COL28A1: variants seen among roughly 807,000 people sequenced by gnomAD.
COL28A1 encodes the protein collagen alpha-1(XXVIII) chain.
Under a neutral mutation model 150.2 loss-of-function variants are expected in COL28A1, and 161 were observed. The observed-to-expected ratio is 1.07, with a 90% confidence interval of 0.94 to 1.22. The LOEUF (loss-of-function observed/expected upper bound fraction) is 1.22. Among genes scored for constraint, COL28A1 ranks in the 50% most tolerant of loss-of-function variants. COL28A1 has a pLI of 0.00. For missense variants in COL28A1, 1,617 were observed against 1,388.3 expected, an observed-to-expected ratio of 1.16 and a Z score of -2.62; for synonymous variants, 552 against 469.7, an observed-to-expected ratio of 1.18 and a Z score of -2.26.
intron 15 of COL28A1, among the ~76,000 whole-genome samples, chr7:7,465,120 G>T (rs540883242): frequency 6.6e-6 from 1 of 150,932 alleles, no homozygotes; most frequent in African/African-American, 2.4e-5. Flanking sequence ...GGCCGAATAG[G>T]AACAGCTCCG....
intron 33 of COL28A1, among the ~76,000 whole-genome samples, chr7:7,367,868 G>A (rs1055585000): frequency 3.3e-5 from 5 of 149,786 alleles, no homozygotes; most frequent in African/African-American, 1.2e-4. Flanking sequence ...AGTATATAGT[G>A]TTTCAATCCA....
intron 27 of COL28A1, among the ~76,000 whole-genome samples, chr7:7,390,511 T>C (rs1364428696): frequency 6.6e-6 from 1 of 152,166 alleles, no homozygotes; most frequent in Non-Finnish European, 1.5e-5. Context: ...CCTCATAAAA[T>C]GAGTTAGGGA....
intron 15 of COL28A1, among the ~76,000 whole-genome samples, chr7:7,456,869 A>C (rs565935037): frequency 2.0e-5 from 3 of 152,346 alleles, no homozygotes; most frequent in African/African-American, 7.2e-5. Context: ...GTGAAGGAGA[A>C]AAATTAATCA....
intron 30 of COL28A1, among the ~76,000 whole-genome samples, chr7:7,376,543 A>T (rs992097689): frequency 8.5e-5 from 13 of 152,312 alleles, no homozygotes; most frequent in African/African-American, 3.1e-4. Flanking sequence ...GAGAGTCAAC[A>T]GTCTTCTTTT....
At chr7:7,452,778 T>C (rs1254589375) in intron 17 of COL28A1, among the ~76,000 whole-genome samples, 2 of 152,152 alleles carry the variant, frequency 1.3e-5, no homozygotes, top group African/African-American at 4.8e-5. Context: ...ACTCAAGCTT[T>C]CAAGGCAGGC....
chr7:7,373,672 G>C lies in COL28A1; in HGVS notation c.2360-126C>G. The C allele has an allele frequency of 1.4e-6, 1 of 730,852 alleles. No homozygotes were observed. Among genetic ancestry groups the C allele is most frequent in the South Asian group, 1.9e-5 (1 of 53,014 alleles). 45.3% of individuals were successfully genotyped at this position (730,852 alleles called of 1,614,324 possible). A position where few individuals can be genotyped will look rare whatever the true frequency, so the allele number is the denominator to read the frequency against. ...TATTCTCTTCCTTTTCTGTGATTGT[G>C]AAAATACCTGACAGCTGTCTCCATT... On this transcript the variant is annotated intron_variant, in intron 31 of 34. Coordinates refer to ENST00000399429, the MANE Select transcript of COL28A1 (RefSeq NM_001037763.3). The surrounding 1 kb of genome is among the most constrained non-coding windows in gnomAD (Gnocchi z 4.1).
Position 7,453,485 on chromosome 7 carries a change from TG to T in COL28A1, c.1394del (p.Pro465HisfsTer19). The T allele has an allele frequency of 8.1e-7, 1 of 1,241,544 alleles. No individual in the cohort carries two copies. The highest frequency in any genetic ancestry group is 1.2e-6 in the Non-Finnish European group (1 of 844,556). 76.9% of individuals were successfully genotyped at this position (1,241,544 alleles called of 1,614,324 possible). ...GTCCTGCGGGCCCTTGTGGACCAGG[TG>T]GACCAATAGGACCTTGGATTCCCTT... The part of the protein sequence containing the change: ...GEQGIQGPIG[P>X]PGPQGPAGQG... On this transcript the variant is annotated frameshift_variant, in exon 17 of 35. Coordinates refer to ENST00000399429, the MANE Select transcript of COL28A1 (RefSeq NM_001037763.3). LOFTEE classifies it high-confidence loss of function.
chr7:7,367,812 C>CT (rs1308940222), intron 33 of COL28A1, among the ~76,000 whole-genome samples: 1 of 74,246 alleles, frequency 1.3e-5, no homozygotes, highest in Non-Finnish European at 3.6e-5. Flanking sequence ...CACTATTTTC[C>CT]TTTAAAAAAA....
chr7:7,453,472 C>G lies in COL28A1; in HGVS notation c.1408G>C (p.Gly470Arg). Reference protein sequence around the residue: ...QGPIGPPGPQGPAGQGLPGSK... With the variant: ...QGPIGPPGPQRPAGQGLPGSK... ...CCAGGTAAGCCCTGTCCTGCGGGCC[C>G]TTGTGGACCAGGTGGACCAATAGGA... Residue 470 changes from glycine (G) to arginine (R), a missense_variant, in exon 17 of 35, where the codon GGG becomes CGG. Physicochemically the swap from Gly to Arg is moderately radical, Grantham distance 125 (BLOSUM62 -2). Transcript: ENST00000399429. The G allele has an allele frequency of 3.1e-6, 4 of 1,307,974 alleles. No individual in the cohort carries two copies. In the South Asian group the frequency reaches 3.6e-5, roughly 12 times the overall value. 81.0% of individuals were successfully genotyped at this position (1,307,974 alleles called of 1,614,324 possible). A position where few individuals can be genotyped will look rare whatever the true frequency, so the allele number is the denominator to read the frequency against.
the COL28A1 span, among the ~76,000 whole-genome samples, chr7:7,347,695 T>C: frequency 6.6e-6 from 1 of 152,088 alleles, no homozygotes; most frequent in South Asian, 2.1e-4. Context: ...AAATCTTATA[T>C]AGTCTGTAGG....
chr7:7,381,407 T>G lies in COL28A1; in HGVS notation c.2205+137A>C, dbSNP rs530723393. The G allele has an allele frequency of 4.5e-6, 3 of 669,078 alleles. No individual in the cohort carries two copies. In the South Asian group the frequency reaches 5.9e-5, roughly 13 times the overall value. The allele number at this position is 669,078 out of a possible 1,614,324, so 41.4% of individuals were successfully genotyped here. A position where few individuals can be genotyped will look rare whatever the true frequency, so the allele number is the denominator to read the frequency against. On this transcript the variant is annotated intron_variant, in intron 28 of 34. Transcript: ENST00000399429. ...GGTAGACAAAGCAATGCACGAGGAT[T>G]TTATTTTGAGTGGATTGTTTTTCTT...
chr7:7,503,315 G>C (rs1475865332), intron 11 of COL28A1, among the ~76,000 whole-genome samples: 2 of 152,188 alleles, frequency 1.3e-5, no homozygotes, highest in African/African-American at 4.8e-5. Flanking sequence ...AATAGATCAT[G>C]TCTCAAAAGG....
chr7:7,390,725 T>C (rs1255645187), intron 27 of COL28A1, among the ~76,000 whole-genome samples: 1 of 152,222 alleles, frequency 6.6e-6, no homozygotes, highest in Non-Finnish European at 1.5e-5. Flanking sequence ...CTTGGAAGTG[T>C]GTATGTGTCC....
At chr7:7,367,099 T>C (rs904307585) in intron 33 of COL28A1, among the ~76,000 whole-genome samples, 2 of 152,222 alleles carry the variant, frequency 1.3e-5, no homozygotes, top group Non-Finnish European at 2.9e-5. Flanking sequence ...TGGTTAGATA[T>C]GCTTATATAT....
At chr7:7,365,804 CAG>C (rs1035978709) in intron 33 of COL28A1, among the ~76,000 whole-genome samples, 1 of 152,198 alleles carries the variant, frequency 6.6e-6, no homozygotes, top group African/African-American at 2.4e-5. Context: ...CTGGGCTCCA[CAG>C]CCAGCATCTT....
At chr7:7,410,096 G>C (rs1294602) in intron 27 of COL28A1, among the ~76,000 whole-genome samples, 1 of 152,126 alleles carries the variant, frequency 6.6e-6, no homozygotes, top group East Asian at 1.9e-4. Context: ...GGTCCAGGAG[G>C]AAAATGAAAG....
intron 14 of COL28A1, 110 bp from the exon 15 acceptor site, chr7:7,474,779 C>T: frequency 1.5e-6 from 1 of 672,362 alleles, no homozygotes. Flanking sequence ...TTAAATAAAG[C>T]ATCCAAAGTC....
At chr7:7,476,730 C>T (rs1788919013) in intron 14 of COL28A1, among the ~76,000 whole-genome samples, 1 of 152,164 alleles carries the variant, frequency 6.6e-6, no homozygotes, top group East Asian at 1.9e-4. Context: ...AGTACTATTA[C>T]AGATTGGTTT....
rs73674514 is a variant in COL28A1 at position 7,379,898 on chromosome 7, T to G, written c.2322+762A>C. Among the ~76,000 whole-genome samples the G allele has an allele frequency of 3.9e-3, 595 of 152,306 alleles. 7 individuals carry two copies. Among genetic ancestry groups the G allele is most frequent in the African/African-American group, 0.014 (569 of 41,564 alleles). On this transcript the variant is annotated intron_variant, in intron 30 of 34. Coordinates refer to ENST00000399429, the MANE Select transcript of COL28A1 (RefSeq NM_001037763.3). ...AGGCAGACAGCCCGCAGAACACATG[T>G]GCAGTTCTGTTGGTCACATGCCCAG...
Sources: gnomAD v4.1 joint callset for allele counts (sites outside exome capture counted in the v4.1 genomes callset) on GRCh38, gnomAD v4.1.1 for gene constraint, Gnocchi (gnomAD v3.1) non-coding constraint, MANE v1.5 for transcripts, NCBI Gene and HGNC (gene_info 2026-07-23, HGNC 2026-07-21) for gene names.